AARS1: variants seen among roughly 807,000 people sequenced by gnomAD.
AARS1 encodes the protein alanine--tRNA ligase, cytoplasmic.
AARS1 carries 72 observed loss-of-function variants against 108.9 expected under a neutral mutation model. The ratio of observed to expected loss-of-function variants is 0.66; its 90% CI spans 0.55 to 0.80. AARS1 has a LOEUF of 0.80. AARS1 is among the 30% of genes least tolerant of loss of function. AARS1 has a pLI of 0.00. For missense variants in AARS1, 1,193 were observed against 1,233.2 expected (o/e 0.97, Z 0.49); for synonymous variants, 489 against 465.7 (o/e 1.05, Z -0.64).
rs192229052 is a variant in AARS1 at position 70,277,525 on chromosome 16, G to A, written c.145-371C>T. Among the ~76,000 whole-genome samples the A allele has an allele frequency of 9.3e-4, 141 of 152,180 alleles. 1 individual carries two copies. The highest frequency in any genetic ancestry group is 7.0e-3 in the Admixed American group (107 of 15,282). On this transcript the variant is annotated intron_variant, in intron 2 of 20. Coordinates refer to ENST00000261772, the MANE Select transcript of AARS1 (RefSeq NM_001605.3). ...AAGAACTTATCCTGAAAATTGGTATGTTCACTTGGCAGTAAATGTGAGGAA... is the reference window on the plus strand; with the variant it reads ...AAGAACTTATCCTGAAAATTGGTATATTCACTTGGCAGTAAATGTGAGGAA...
At chr16:70,253,182 T>C in intron 20 of AARS1, 86 bp downstream of exon 20, 1 of 1,175,116 alleles carries the variant, frequency 8.5e-7, no homozygotes, top group Non-Finnish European at 1.3e-6. Flanking sequence ...GCAGAAAGGC[T>C]GTTTCGAATG....
Position 70,253,260 on chromosome 16 carries a change from G to A in AARS1, c.2721+8C>T, listed in dbSNP as rs577958349. The A allele has an allele frequency of 7.2e-5, 116 of 1,601,714 alleles. No individual in the cohort carries two copies. In the South Asian group the frequency reaches 1.2e-3, roughly 17 times the overall value. On this transcript the variant is annotated splice_region_variant and intron_variant, in intron 20 of 20. Transcript: ENST00000261772. ...TAACACTTCCCACTGGTGCGAGGTGGTGCTGACCTGGGGAACTTGACACAG... is the reference window on the plus strand; with the variant it reads ...TAACACTTCCCACTGGTGCGAGGTGATGCTGACCTGGGGAACTTGACACAG...
intron 14 of AARS1, 134 bp downstream of exon 14, chr16:70,258,846 T>C (rs927541736): frequency 5.5e-6 from 6 of 1,084,142 alleles, no homozygotes; most frequent in African/African-American, 3.1e-5. Flanking sequence ...TGAGCTACCG[T>C]GCCCAGCCTG....
chr16:70,254,000 A>G lies in AARS1; in HGVS notation c.2439T>C (p.Asp813=), dbSNP rs1256120826. The change falls in exon 18 of 21, where the codon GAT becomes GAC. Residue 813 remains aspartate (D), a synonymous_variant. Coordinates refer to ENST00000261772, the MANE Select transcript of AARS1 (RefSeq NM_001605.3). The part of the protein sequence containing the change: ...ATAVIPQWQK[D]ELRETLKSLK... Reference sequence around the variant, plus strand: ...GGGATTTGAGAGTCTCCCGCAATTCATCCTTCTGCCACTGGGGGATGACTG... The same window carrying G: ...GGGATTTGAGAGTCTCCCGCAATTCGTCCTTCTGCCACTGGGGGATGACTG... 1 of 1,614,084 alleles carries G rather than the reference A, an allele frequency of 6.2e-7. No individual in the cohort carries two copies. Among genetic ancestry groups the G allele is most frequent in the South Asian group, 1.1e-5 (1 of 91,074 alleles).
intron 11 of AARS1, among the ~76,000 whole-genome samples, chr16:70,263,407 A>T (rs1283161007): frequency 2.0e-5 from 3 of 151,912 alleles, no homozygotes; most frequent in Non-Finnish European, 4.4e-5. Context: ...CCCCGTGTCC[A>T]CTACAATACA....
intron 4 of AARS1, among the ~76,000 whole-genome samples, chr16:70,272,203 C>A (rs1308352309): frequency 6.6e-6 from 1 of 151,998 alleles, no homozygotes; most frequent in Non-Finnish European, 1.5e-5. Context: ...GCTAAGCCTG[C>A]ACATTAAACC....
chr16:70,273,373 C>T (rs970546053), intron 4 of AARS1, among the ~76,000 whole-genome samples: 2 of 152,140 alleles, frequency 1.3e-5, no homozygotes, highest in African/African-American at 2.4e-5. Context: ...ATATAGCTCA[C>T]CTACTGTCTT....
chr16:70,277,208 G>T, intron 2 of AARS1, 54 bp from the exon 3 acceptor site: 1 of 1,550,322 alleles, frequency 6.5e-7, no homozygotes, highest in Admixed American at 1.7e-5. Flanking sequence ...GATGTCAGGT[G>T]GCCACACACT....
At chr16:70,260,995 A>G in intron 13 of AARS1, 49 bp downstream of exon 13, 1 of 1,408,002 alleles carries the variant, frequency 7.1e-7, no homozygotes, top group Non-Finnish European at 1.0e-6. Flanking sequence ...GCCAGAGGAG[A>G]AGATAATTAC....
At chr16:70,258,833 G>T in intron 14 of AARS1, 147 bp downstream of exon 14, 2 of 910,556 alleles carry the variant, frequency 2.2e-6, no homozygotes, top group Non-Finnish European at 3.5e-6. Context: ...GGGATTACAG[G>T]CGTGAGCTAC....
intron 1 of AARS1, among the ~76,000 whole-genome samples, chr16:70,283,666 T>C (rs1487060934): frequency 6.6e-6 from 1 of 152,146 alleles, no homozygotes; most frequent in African/African-American, 2.4e-5. Flanking sequence ...CCTGATGTCA[T>C]GGTGAGGCGG....
chr16:70,265,182 T>C (rs142332030), intron 10 of AARS1, 80 bp from the exon 11 acceptor site: 3 of 1,558,158 alleles, frequency 1.9e-6, no homozygotes, highest in African/African-American at 2.7e-5. Context: ...TGCTAAACTA[T>C]GCCCAGCATA....
intron 10 of AARS1, 197 bp from the exon 11 acceptor site, chr16:70,265,299 T>C: frequency 3.3e-6 from 3 of 909,658 alleles, no homozygotes; most frequent in Non-Finnish European, 5.2e-6. Context: ...AGGGGCACCC[T>C]GGCCTCTACC....
At chr16:70,282,982 C>T (rs940815070) in intron 1 of AARS1, among the ~76,000 whole-genome samples, 198 bp from the exon 2 acceptor site, 9 of 152,170 alleles carry the variant, frequency 5.9e-5, no homozygotes, top group African/African-American at 2.2e-4. Flanking sequence ...TCTTCCTTCC[C>T]ATGCCAACCT....
intron 1 of AARS1, among the ~76,000 whole-genome samples, chr16:70,284,305 C>CAA (rs375370191): frequency 8.3e-6 from 1 of 120,008 alleles, no homozygotes; most frequent in African/African-American, 3.2e-5. Flanking sequence ...GACTCCGTCT[C>CAA]AAAAAAAACA....
At chr16:70,255,989 G>T (rs1171008451) in intron 15 of AARS1, among the ~76,000 whole-genome samples, 153 bp from the exon 16 acceptor site, 1 of 152,178 alleles carries the variant, frequency 6.6e-6, no homozygotes, top group Non-Finnish European at 1.5e-5. Context: ...ACACCAGCTC[G>T]CTGAGCCTGA....
intron 15 of AARS1, 82 bp downstream of exon 15, chr16:70,257,951 A>G (rs1960029174): frequency 2.7e-6 from 4 of 1,496,444 alleles, no homozygotes; most frequent in Non-Finnish European, 3.7e-6. Flanking sequence ...TTAGACAGAC[A>G]AGAGTTGGTC....
In AARS1 at chr16:70,261,053, A is replaced by C; in HGVS notation, c.1776T>G (p.Phe592Leu). The C allele has an allele frequency of 6.2e-7, 1 of 1,613,244 alleles. No homozygotes were observed. Among genetic ancestry groups the C allele is most frequent in the Non-Finnish European group, 8.5e-7 (1 of 1,179,438 alleles). The change falls in exon 13 of 21, where the codon TTT (phenylalanine) becomes TTG (leucine). Residue 592 changes from phenylalanine (F) to leucine (L), a missense_variant. Physicochemically the swap from Phe to Leu is conservative, Grantham distance 22. Coordinates refer to ENST00000261772, the MANE Select transcript of AARS1 (RefSeq NM_001605.3). ...DLKVGDQVWLFIDEPRRRPIM... is the reference protein window; with the variant it reads ...DLKVGDQVWLLIDEPRRRPIM... ...CAGTAACCCAACTCACCTCATCAATAAACAGCCAGACCTGATCCCCCACTT... is the reference window on the plus strand; with the variant it reads ...CAGTAACCCAACTCACCTCATCAATCAACAGCCAGACCTGATCCCCCACTT...
rs780249378 is a variant in AARS1 at position 70,259,186 on chromosome 16, G to C, written c.1786C>G (p.Pro596Ala). The C allele has an allele frequency of 6.2e-6, 10 of 1,613,854 alleles. No individual in the cohort carries two copies. The South Asian group carries it at 9.9e-5, about 16-fold the overall frequency. Residue 596 changes from proline (P) to alanine (A), a missense_variant and splice_region_variant, in exon 14 of 21, where the codon CCC becomes GCC. Transcript: ENST00000261772. ...GDQVWLFIDEPRRRPIMSNHT... is the reference protein window; with the variant it reads ...GDQVWLFIDEARRRPIMSNHT... ...TTGCTCATGATGGGTCTTCGTCGGG[G>C]CTGGAAAGGGCAGAGGGGCTCATGG... is the stretch of plus-strand genomic sequence containing the variant.
Sources: gnomAD v4.1 joint callset for allele counts (sites outside exome capture counted in the v4.1 genomes callset) on GRCh38, gnomAD v4.1.1 for gene constraint, MANE v1.5 for transcripts, NCBI Gene and HGNC (gene_info 2026-07-23, HGNC 2026-07-21) for gene names.